The following MAPK9 variants were observed in gnomAD, a reference collection of about 807,000 sequenced individuals.
The protein encoded by MAPK9 is mitogen-activated protein kinase 9, also known as Jun kinase.
In MAPK9, 30 loss-of-function variants were observed where a neutral mutation model predicts 57.1. The observed-to-expected ratio is 0.53, with a 90% CI of 0.39 to 0.71. MAPK9 has a LOEUF of 0.71. Among genes scored for constraint, MAPK9 ranks in the 30% least tolerant of loss-of-function variants. The probability of loss-of-function intolerance (pLI) is 0.00; values close to 1 mark genes in which losing one functional copy is unlikely to be tolerated. For synonymous variants in MAPK9, 155 were observed against 177.0 expected (o/e 0.88, Z 0.99); for missense variants, 362 against 521.0 (o/e 0.69, Z 2.97).
Position 180,278,797 on chromosome 5 carries a change from TTC to T in MAPK9, c.122+1641_122+1642del, listed in dbSNP as rs144740095. On this transcript the variant is annotated intron_variant, in intron 2 of 11. Coordinates refer to ENST00000452135, the MANE Select transcript of MAPK9 (RefSeq NM_002752.5). ...TCCCTTCTTGCCCCCTCTCTCCTTT[TTC>T]TCTCTCTCTCTCGCATGCACACATC... Among the ~76,000 whole-genome samples the T allele has an allele frequency of 9.6e-3, 1,449 of 150,970 alleles. 22 individuals carry two copies. The highest frequency in any genetic ancestry group is 0.033 in the African/African-American group (1,383 of 41,296).
chr5:180,250,568 G>A (rs1332562712), intron 5 of MAPK9, among the ~76,000 whole-genome samples: 2 of 152,162 alleles, frequency 1.3e-5, no homozygotes, highest in Non-Finnish European at 1.5e-5. Context: ...GCCACAAGGG[G>A]GGTTGCAGGC....
At chr5:180,275,322 A>T (rs1257605380) in intron 2 of MAPK9, among the ~76,000 whole-genome samples, 1 of 152,218 alleles carries the variant, frequency 6.6e-6, no homozygotes, top group Admixed American at 6.5e-5. Flanking sequence ...TTACCCCCAT[A>T]CAAGTTCAGC....
At position 180,247,136 on chromosome 5, in the gene MAPK9, AT is replaced by A. The variant is rs1758188448; in HGVS notation, c.688+302del. 1 of 453,692 alleles carries A rather than the reference AT, an allele frequency of 2.2e-6. No homozygotes were observed. Among genetic ancestry groups the A allele is most frequent in the South Asian group, 3.3e-5 (1 of 30,570 alleles). The allele number at this position is 453,692 out of a possible 1,614,324, so 28.1% of individuals were successfully genotyped here. A position where few individuals can be genotyped will look rare whatever the true frequency, so the allele number is the denominator to read the frequency against. On this transcript the variant is annotated intron_variant, in intron 7 of 11. Coordinates refer to ENST00000452135, the MANE Select transcript of MAPK9 (RefSeq NM_002752.5). This position sits in a 1 kb window ranked among gnomAD's most constrained non-coding sequence, Gnocchi z 4.5. Reference sequence around the variant, plus strand: ...TTCATTTAAATATCAGAATATACTTATCAAAGAGTAAATAATTTCTTCTATG... The same window carrying A: ...TTCATTTAAATATCAGAATATACTTACAAAGAGTAAATAATTTCTTCTATG...
At chr5:180,250,120 A>C (rs928567195) in intron 5 of MAPK9, among the ~76,000 whole-genome samples, 6 of 151,862 alleles carry the variant, frequency 4.0e-5, no homozygotes. Context: ...TCTGGTTGCC[A>C]CCTCTCTTCC....
At chr5:180,274,500 A>C (rs1425330878) in intron 2 of MAPK9, among the ~76,000 whole-genome samples, 1 of 152,194 alleles carries the variant, frequency 6.6e-6, no homozygotes, top group African/African-American at 2.4e-5. Context: ...TGAGAAGGAA[A>C]ACATGCAGCC....
chr5:180,262,210 G>A (rs1760046268), intron 4 of MAPK9, among the ~76,000 whole-genome samples: 1 of 152,088 alleles, frequency 6.6e-6, no homozygotes, highest in South Asian at 2.1e-4. Context: ...GTAAGGGGCT[G>A]GAGACAGACA....
chr5:180,284,782 T>C (rs1000326789), intron 1 of MAPK9, among the ~76,000 whole-genome samples: 1 of 152,138 alleles, frequency 6.6e-6, no homozygotes, highest in African/African-American at 2.4e-5. Context: ...GGCACAGAAG[T>C]ACAACAAGGC....
At chr5:180,251,051 T>C (rs1465014727) in intron 5 of MAPK9, among the ~76,000 whole-genome samples, 2 of 152,078 alleles carry the variant, frequency 1.3e-5, no homozygotes, top group Non-Finnish European at 1.5e-5. Flanking sequence ...ATGCTCAATC[T>C]CACAAAAATC....
chr5:180,239,658 TCA>T (rs1268676644), intron 10 of MAPK9, among the ~76,000 whole-genome samples: 1 of 152,172 alleles, frequency 6.6e-6, no homozygotes, highest in Non-Finnish European at 1.5e-5. Flanking sequence ...ATTACTAAGC[TCA>T]GTTTATAAAT....
At chr5:180,238,306 T>G (rs1024259096) in intron 11 of MAPK9, 26 bp downstream of exon 11, 33 of 1,567,872 alleles carry the variant, frequency 2.1e-5, no homozygotes, top group Non-Finnish European at 2.8e-5. Context: ...AAAAATATCA[T>G]ACAATCAATT....
At chr5:180,257,162 A>G (rs1759374841) in intron 5 of MAPK9, among the ~76,000 whole-genome samples, 1 of 152,290 alleles carries the variant, frequency 6.6e-6, no homozygotes, top group African/African-American at 2.4e-5. Context: ...GGAGGACAAG[A>G]GCTATCCCTG....
In MAPK9 at chr5:180,241,060, C is replaced by T. The variant is rs761154333; in HGVS notation, c.967G>A (p.Val323Ile). The change falls in exon 9 of 12, where the codon GTT becomes ATT. Residue 323 changes from valine to isoleucine, a missense_variant. Transcript: ENST00000452135. ...DEALRHPYIT[V>I]WYDPAEAEAP... ...TCTGCTTCGGCGGGGTCATACCAAACAGTGATGTATGGGTGACGCAGAGCT... is the reference window on the plus strand; with the variant it reads ...TCTGCTTCGGCGGGGTCATACCAAATAGTGATGTATGGGTGACGCAGAGCT... 7 of 1,613,592 alleles carry T rather than the reference C, an allele frequency of 4.3e-6. No homozygotes were observed. The highest frequency in any genetic ancestry group is 5.1e-6 in the Non-Finnish European group (6 of 1,179,812).
chr5:180,285,979 C>T (rs897396333), intron 1 of MAPK9, among the ~76,000 whole-genome samples: 2 of 147,586 alleles, frequency 1.4e-5, no homozygotes, highest in African/African-American at 2.5e-5. Context: ...ACTAGGGAGG[C>T]TGAGGCAGGA....
chr5:180,269,150 C>G, intron 3 of MAPK9, 130 bp downstream of exon 3: 1 of 1,017,010 alleles, frequency 9.8e-7, no homozygotes, highest in East Asian at 2.5e-5. Context: ...AAACAAAAAA[C>G]CAATGTTAAT....
chr5:180,280,811 T>C (rs1013288840), intron 1 of MAPK9, among the ~76,000 whole-genome samples: 7 of 152,292 alleles, frequency 4.6e-5, no homozygotes, highest in African/African-American at 1.7e-4. Flanking sequence ...GAAGGAATTT[T>C]GAGGCCCAGC....
chr5:180,240,013 C>G, intron 9 of MAPK9, 26 bp from the exon 10 acceptor site: 1 of 1,582,604 alleles, frequency 6.3e-7, no homozygotes, highest in Non-Finnish European at 8.7e-7. Context: ...TATGTAAAGT[C>G]AACAGTAATG....
intron 2 of MAPK9, among the ~76,000 whole-genome samples, chr5:180,273,668 G>GT (rs1171264088): frequency 6.6e-6 from 1 of 152,198 alleles, no homozygotes; most frequent in Non-Finnish European, 1.5e-5. Context: ...TCACTTTTGT[G>GT]TATAATATGA....
intron 6 of MAPK9, among the ~76,000 whole-genome samples, chr5:180,248,340 G>A (rs925727732): frequency 3.4e-4 from 52 of 152,346 alleles, no homozygotes; most frequent in African/African-American, 1.2e-3. Context: ...AAGCTACAAC[G>A]CAGCAAGATG....
At chr5:180,277,730 C>T (rs1683484715) in intron 2 of MAPK9, among the ~76,000 whole-genome samples, 1 of 152,130 alleles carries the variant, frequency 6.6e-6, no homozygotes, top group African/African-American at 2.4e-5. Flanking sequence ...GATAGAAAAT[C>T]CAATTCCTCT....
Sources: allele counts gnomAD v4.1 joint callset (sites outside exome capture counted in the v4.1 genomes callset), GRCh38; gene constraint gnomAD v4.1.1; non-coding constraint Gnocchi (gnomAD v3.1); transcripts MANE v1.5; gene names NCBI Gene and HGNC (gene_info 2026-07-23, HGNC 2026-07-21).